NRXN3: variants seen among roughly 807,000 people sequenced by gnomAD.
NRXN3 encodes the protein neurexin 3.
In NRXN3, 32 loss-of-function variants were observed where a neutral mutation model predicts 137.6. The observed-to-expected ratio is 0.23, with a 90% CI of 0.18 to 0.31. NRXN3 has a LOEUF of 0.31. Ranked by LOEUF, NRXN3 falls within the 10% of genes least tolerant of loss-of-function variation. The pLI is 1.00. For missense variants in NRXN3, 1,574 were observed against 2,062.5 expected, an observed-to-expected ratio of 0.76 and a Z score of 4.59; for synonymous variants, 798 against 784.5, an observed-to-expected ratio of 1.02 and a Z score of -0.29.
rs34485878 is a variant in NRXN3 at position 78,568,961 on chromosome 14, G to GTTTTTTTTTTTTT, written c.758-76147_758-76135dup. ...TGTGGTGGGAAATATGACTTTGCAG[G>GTTTTTTTTTTTTT]TTTTTTTTTTTTTTTTTTTTTTTTG... On this transcript the variant is annotated intron_variant, in intron 4 of 20. Transcript: ENST00000335750. Among the ~76,000 whole-genome samples the GTTTTTTTTTTTTT allele has an allele frequency of 3.0e-4, 31 of 103,750 alleles. 2 individuals are homozygous for GTTTTTTTTTTTTT. Among genetic ancestry groups the GTTTTTTTTTTTTT allele is most frequent in the African/African-American group, 1.3e-3 (31 of 24,458 alleles). The allele number at this position is 103,750 out of a possible 152,430, so 68.1% of individuals were successfully genotyped here.
chr14:78,695,876 G>A (rs2098220598), intron 6 of NRXN3: 1 of 152,044 alleles, frequency 6.6e-6, no homozygotes, highest in South Asian at 2.1e-4. Context: ...GGTTAGAGCA[G>A]GGACTTCACC....
At chr14:78,214,828 C>T (rs370277051) in intron 1 of NRXN3, among the ~76,000 whole-genome samples, 5 of 152,018 alleles carry the variant, frequency 3.3e-5, no homozygotes, top group African/African-American at 1.2e-4. Flanking sequence ...CTTGGTTTCT[C>T]GATTCTGACT....
chr14:78,710,725 G>A (rs1437041972), intron 7 of NRXN3, among the ~76,000 whole-genome samples: 1 of 152,180 alleles, frequency 6.6e-6, no homozygotes, highest in Non-Finnish European at 1.5e-5. Flanking sequence ...GCTTTGGTGG[G>A]TTGGCTTTTC....
At chr14:79,738,639 A>C (rs1318636352) in intron 19 of NRXN3, among the ~76,000 whole-genome samples, 1 of 151,938 alleles carries the variant, frequency 6.6e-6, no homozygotes, top group Non-Finnish European at 1.5e-5. Flanking sequence ...GCTCACTGCA[A>C]CCTCCGCCTC....
intron 15 of NRXN3, among the ~76,000 whole-genome samples, chr14:79,133,118 A>G (rs755767389): frequency 1.3e-5 from 2 of 152,240 alleles, no homozygotes; most frequent in Admixed American, 6.5e-5. Flanking sequence ...TGAGCTGGGC[A>G]GCACATTACA....
intron 4 of NRXN3, among the ~76,000 whole-genome samples, chr14:78,313,395 G>A (rs1416054406): frequency 1.3e-5 from 2 of 152,042 alleles, no homozygotes; most frequent in Non-Finnish European, 2.9e-5. Flanking sequence ...TGGAGATCCA[G>A]CACTACTTCT....
chr14:79,381,206 TG>T (rs1331524287), intron 15 of NRXN3, among the ~76,000 whole-genome samples: 22 of 132,420 alleles, frequency 1.7e-4, no homozygotes, highest in South Asian at 5.2e-4. Context: ...ATGCGTTGAA[TG>T]TTTTTTTTTT....
intron 17 of NRXN3, chr14:79,669,270 G>A (rs530869302): frequency 6.6e-6 from 1 of 152,206 alleles, no homozygotes; most frequent in Non-Finnish European, 1.5e-5. Context: ...ATTTGAACAA[G>A]GTTTCAGGAC....
intron 15 of NRXN3, among the ~76,000 whole-genome samples, chr14:79,019,321 A>G (rs952155681): frequency 6.6e-6 from 1 of 152,202 alleles, no homozygotes; most frequent in African/African-American, 2.4e-5. Flanking sequence ...TTATTTGCAT[A>G]TATCTTATGC....
intron 15 of NRXN3, among the ~76,000 whole-genome samples, chr14:78,998,207 G>A (rs1022147598): frequency 6.6e-6 from 1 of 152,130 alleles, no homozygotes; most frequent in Non-Finnish European, 1.5e-5. Context: ...TGTAGTTCCA[G>A]TCTTTGTTAC....
intron 4 of NRXN3, among the ~76,000 whole-genome samples, chr14:78,312,831 C>G (rs1038936874): frequency 6.6e-6 from 1 of 152,008 alleles, no homozygotes; most frequent in African/African-American, 2.4e-5. Context: ...ATTTGTAGAA[C>G]TAGATAGATA....
At chr14:78,375,263 C>T (rs1234711673) in intron 4 of NRXN3, among the ~76,000 whole-genome samples, 2 of 152,266 alleles carry the variant, frequency 1.3e-5, no homozygotes. Context: ...AAAACTTTGC[C>T]TCTTTGCAAA....
At chr14:78,409,548 G>T (rs2092703247) in intron 4 of NRXN3, among the ~76,000 whole-genome samples, 1 of 152,148 alleles carries the variant, frequency 6.6e-6, no homozygotes, top group South Asian at 2.1e-4. Context: ...CTATTTCTAT[G>T]AAGGGGTGAA....
At chr14:78,489,124 C>T (rs1181140196) in intron 4 of NRXN3, among the ~76,000 whole-genome samples, 1 of 152,068 alleles carries the variant, frequency 6.6e-6, no homozygotes, top group Non-Finnish European at 1.5e-5. Flanking sequence ...TGAGAACCAT[C>T]CAACATTAAT....
rs572162347 is a variant in NRXN3, at chr14:79,297,182, T to C, written c.3263-170039T>C. Reference sequence around the variant, plus strand: ...CAGGCCATAGGTTCTCATAACCTTCTAGAACTCTCTCCTGTTGCTCATTTC... The same window carrying C: ...CAGGCCATAGGTTCTCATAACCTTCCAGAACTCTCTCCTGTTGCTCATTTC... On this transcript the variant is annotated intron_variant, in intron 15 of 20. Transcript: ENST00000335750. Among the ~76,000 whole-genome samples, 226 of 152,358 alleles carry C rather than the reference T, an allele frequency of 1.5e-3. 2 individuals are homozygous for C. Among genetic ancestry groups the C allele is most frequent in the African/African-American group, 5.0e-3 (210 of 41,586 alleles).
At chr14:78,802,183 A>G (rs924405259) in intron 8 of NRXN3, among the ~76,000 whole-genome samples, 3 of 152,248 alleles carry the variant, frequency 2.0e-5, no homozygotes, top group Non-Finnish European at 4.4e-5. Context: ...TGAACATCAT[A>G]GTGTTTCAAA....
At chr14:78,799,263 C>G (rs1000966832) in intron 8 of NRXN3, among the ~76,000 whole-genome samples, 4 of 152,184 alleles carry the variant, frequency 2.6e-5, no homozygotes, top group Non-Finnish European at 5.9e-5. Flanking sequence ...GAAATTTCTT[C>G]CACCAGTTAC....
At chr14:79,238,494 T>C (rs1158491177) in intron 15 of NRXN3, among the ~76,000 whole-genome samples, 1 of 152,090 alleles carries the variant, frequency 6.6e-6, no homozygotes, top group Non-Finnish European at 1.5e-5. Flanking sequence ...CTAATAGTTA[T>C]CACTAGTTGG....
chr14:79,104,636 T>G (rs2052024434), intron 15 of NRXN3, among the ~76,000 whole-genome samples: 1 of 152,174 alleles, frequency 6.6e-6, no homozygotes, highest in South Asian at 2.1e-4. Context: ...TTGATACCAA[T>G]GTTGAGGTAA....
Sources: allele counts gnomAD v4.1 joint callset (sites outside exome capture counted in the v4.1 genomes callset), GRCh38; gene constraint gnomAD v4.1.1; transcripts MANE v1.5; gene names NCBI Gene and HGNC (gene_info 2026-07-23, HGNC 2026-07-21).